RFTN2: variants seen among roughly 807,000 people sequenced by gnomAD.
RFTN2 encodes raftlin family member 2, also known as raftlin-2.
A neutral mutation model predicts 52.7 loss-of-function variants in RFTN2; 34 were observed. The observed-to-expected ratio is 0.64, with a 90% confidence interval of 0.49 to 0.86. The LOEUF (loss-of-function observed/expected upper bound fraction) is 0.86, where lower values mean the gene tolerates loss of function less well. Ranked by LOEUF, RFTN2 falls within the 40% of genes least tolerant of loss-of-function variation. The pLI is 0.00. For missense variants in RFTN2, 536 were observed against 600.1 expected (o/e 0.89, Z 1.12); for synonymous variants, 203 against 217.7 (o/e 0.93, Z 0.59).
chr2:197,622,008 T>C (rs1275760304), intron 5 of RFTN2, among the ~76,000 whole-genome samples: 1 of 152,142 alleles, frequency 6.6e-6, no homozygotes, highest in Admixed American at 6.5e-5. Context: ...GTTTTAGTGG[T>C]CTGGATAGAA....
At chr2:197,601,685 A>G (rs2087883442) in intron 7 of RFTN2, among the ~76,000 whole-genome samples, 1 of 152,180 alleles carries the variant, frequency 6.6e-6, no homozygotes, top group Non-Finnish European at 1.5e-5. Flanking sequence ...GGATAAGTCT[A>G]AGCTTATTTT....
intron 1 of RFTN2, among the ~76,000 whole-genome samples, chr2:197,653,946 A>G (rs2106259737): frequency 6.6e-6 from 1 of 152,356 alleles, no homozygotes; most frequent in South Asian, 2.1e-4. Flanking sequence ...ATTTATTTCA[A>G]AAAGAATTTA....
chr2:197,573,583 T>C lies in RFTN2; in HGVS notation c.1234-1303A>G, dbSNP rs576827029. 2.6e-5 allele frequency among the ~76,000 whole-genome samples: 4 copies of C among 152,332 alleles called. No individual in the cohort carries two copies. The East Asian group carries it at 7.7e-4, about 29-fold the overall frequency. On this transcript the variant is annotated intron_variant, in intron 8 of 8. Coordinates refer to ENST00000295049, the MANE Select transcript of RFTN2 (RefSeq NM_144629.3). ...TTACATTTGCAGACTGATGATACCA[T>C]AGAAAAGAAAAACCAATTTTCTGAG... is the stretch of plus-strand genomic sequence containing the variant.
chr2:197,639,556 T>A (rs1201393194), intron 3 of RFTN2, among the ~76,000 whole-genome samples: 82 of 137,362 alleles, frequency 6.0e-4, no homozygotes, highest in African/African-American at 2.3e-3. Context: ...TCTGCATTCT[T>A]CACGTAGTTC....
intron 3 of RFTN2, among the ~76,000 whole-genome samples, chr2:197,638,946 A>T (rs1458592995): frequency 6.6e-6 from 1 of 151,224 alleles, no homozygotes; most frequent in Non-Finnish European, 1.5e-5. Context: ...TCATGACAAA[A>T]TCTGTCAACA....
At chr2:197,572,911 G>A (rs1203125797) in intron 8 of RFTN2, among the ~76,000 whole-genome samples, 2 of 152,230 alleles carry the variant, frequency 1.3e-5, no homozygotes, top group South Asian at 2.1e-4. Flanking sequence ...CCTTGCACAT[G>A]CTCTCTCTTG....
intron 1 of RFTN2, among the ~76,000 whole-genome samples, chr2:197,674,507 A>T (rs1043228718): frequency 6.6e-5 from 10 of 152,042 alleles, no homozygotes; most frequent in African/African-American, 2.2e-4. Context: ...TTTTACTAAT[A>T]TCTGATAACT....
chr2:197,642,026 GATTT>G, intron 3 of RFTN2, among the ~76,000 whole-genome samples: 1 of 152,134 alleles, frequency 6.6e-6, no homozygotes, highest in East Asian at 1.9e-4. Flanking sequence ...TGCTGGAGTG[GATTT>G]ATTACCAGAA....
rs139851163 is a variant in RFTN2 at position 197,662,114 on chromosome 2, C to T, written c.139+13206G>A. ...TTCTTTCTGTTGATTGCTTCCTTTG[C>T]TGTGAAGCTTTTCAGTTTAGTATAA... On this transcript the variant is annotated intron_variant, in intron 1 of 8. Transcript: ENST00000295049. Among the ~76,000 whole-genome samples, 305 of 152,240 alleles carry T rather than the reference C, an allele frequency of 2.0e-3. 1 individual carries two copies. Among genetic ancestry groups the T allele is most frequent in the African/African-American group, 4.5e-3 (189 of 41,552 alleles).
intron 1 of RFTN2, among the ~76,000 whole-genome samples, chr2:197,665,651 A>G (rs1044669775): frequency 2.0e-5 from 3 of 150,790 alleles, no homozygotes; most frequent in African/African-American, 7.3e-5. Flanking sequence ...TTCAGTCTGT[A>G]TGTGTCTGTA....
intron 1 of RFTN2, among the ~76,000 whole-genome samples, chr2:197,665,980 T>C (rs2089052368): frequency 6.6e-6 from 1 of 152,224 alleles, no homozygotes; most frequent in African/African-American, 2.4e-5. Context: ...GTAAATGTTG[T>C]CCTTTCATTT....
rs1049167359 is a variant in RFTN2 at position 197,569,192 on chromosome 2, G to A, written c.*2816C>T. The A allele has an allele frequency of 6.6e-6, 1 of 152,136 alleles. No individual in the cohort carries two copies. The highest frequency in any genetic ancestry group is 1.5e-5 in the Non-Finnish European group (1 of 68,036). 9.4% of individuals were successfully genotyped at this position (152,136 alleles called of 1,614,324 possible). ...CCATAGATACTACACCAAGGGGAATGGCAGATCTTCACCCAACATCTGGGA... is the reference window on the plus strand; with the variant it reads ...CCATAGATACTACACCAAGGGGAATAGCAGATCTTCACCCAACATCTGGGA... On this transcript the variant is annotated 3_prime_UTR_variant, in exon 9 of 9. Transcript: ENST00000295049.
chr2:197,599,494 G>C (rs373927752), intron 7 of RFTN2, among the ~76,000 whole-genome samples: 2 of 152,064 alleles, frequency 1.3e-5, no homozygotes, highest in South Asian at 4.2e-4. Context: ...CGGATCCCGA[G>C]GCAGTGTGAG....
Position 197,612,925 on chromosome 2 carries a change from A to G in RFTN2, c.1154+2951T>C, listed in dbSNP as rs566983711. 5.1e-4 allele frequency among the ~76,000 whole-genome samples: 77 copies of G among 152,374 alleles called. 1 individual carries two copies. In the South Asian group the frequency reaches 0.012, roughly 23 times the overall value. ...AGACTCTGTTGTTGCATATAAGACA[A>G]ACACATGTAAGGAAGAATGTTTTCA... On this transcript the variant is annotated intron_variant, in intron 7 of 8. Transcript: ENST00000295049.
At chr2:197,652,657 A>G (rs959895451) in intron 1 of RFTN2, among the ~76,000 whole-genome samples, 4 of 152,216 alleles carry the variant, frequency 2.6e-5, no homozygotes, top group African/African-American at 7.2e-5. Context: ...TTAATGGTAC[A>G]TAAAATAATA....
At chr2:197,619,146 G>GC (rs1276202578) in intron 5 of RFTN2, among the ~76,000 whole-genome samples, 1 of 150,172 alleles carries the variant, frequency 6.7e-6, no homozygotes, top group Non-Finnish European at 1.5e-5. Flanking sequence ...GGGGGGGTCA[G>GC]CCCCCCATCC....
At chr2:197,618,239 C>T (rs2088182178) in intron 5 of RFTN2, among the ~76,000 whole-genome samples, 1 of 152,100 alleles carries the variant, frequency 6.6e-6, no homozygotes, top group South Asian at 2.1e-4. Flanking sequence ...GCGCGCGCCG[C>T]CACGCCTGAC....
chr2:197,615,828 T>G, intron 7 of RFTN2, 48 bp downstream of exon 7: 1 of 937,930 alleles, frequency 1.1e-6, no homozygotes, highest in Admixed American at 2.2e-5. Flanking sequence ...ACAGATGAAG[T>G]TATATATTAG....
intron 7 of RFTN2, among the ~76,000 whole-genome samples, chr2:197,611,965 T>C (rs2088068702): frequency 6.6e-6 from 1 of 152,256 alleles, no homozygotes; most frequent in Non-Finnish European, 1.5e-5. Flanking sequence ...GATTGCACTG[T>C]GGTCTGAGAG....
Sources: gnomAD v4.1 joint callset for allele counts (sites outside exome capture counted in the v4.1 genomes callset) on GRCh38, gnomAD v4.1.1 for gene constraint, MANE v1.5 for transcripts, NCBI Gene and HGNC (gene_info 2026-07-23, HGNC 2026-07-21) for gene names.